Variants in MUC5B observed in about 807,000 individuals in gnomAD.
MUC5B encodes mucin-5B.
A neutral mutation model predicts 376.9 loss-of-function variants in MUC5B; 116 were observed. That is an observed-to-expected ratio of 0.31 (90% confidence interval 0.26 to 0.36). The LOEUF is 0.36. MUC5B is among the 10% of genes least tolerant of loss of function. The pLI, the probability that MUC5B is intolerant of heterozygous loss-of-function variation, is 1.00. For synonymous variants in MUC5B, 3,517 were observed against 3,390.9 expected (o/e 1.04, Z -1.29); for missense variants, 7,165 against 7,769.9 (o/e 0.92, Z 2.93).
intron 15 of MUC5B, 93 bp from the exon 16 acceptor site, chr11:1,232,357 A>G: frequency 7.0e-7 from 1 of 1,437,884 alleles, no homozygotes; most frequent in Non-Finnish European, 9.5e-7. Flanking sequence ...ATTCCAACTC[A>G]CTGTTCCCCG....
chr11:1,223,490 C>T (rs1477717384), intron 1 of MUC5B: 3 of 486,544 alleles, frequency 6.2e-6, no homozygotes, highest in African/African-American at 6.0e-5. Context: ...GGGGGTGGGA[C>T]AGGAGTGGGC....
rs917286911 is a variant in MUC5B, at chr11:1,240,436, G to C, written c.3970+61G>C. On this transcript the variant is annotated intron_variant, in intron 30 of 48. Transcript: ENST00000529681. ...GTCTGGGTGACAAGGAGGACCCCCT[G>C]GGCTCTTAGTGCAGGTGCCCTGTAT... 2.1e-6 allele frequency: 3 copies of C among 1,461,666 alleles called. No individual in the cohort carries two copies. The African/African-American group carries it at 4.2e-5, about 21-fold the overall frequency. The allele number at this position is 1,461,666 out of a possible 1,614,324, so 90.5% of individuals were successfully genotyped here. A position where few individuals can be genotyped will look rare whatever the true frequency, so the allele number is the denominator to read the frequency against.
intron 48 of MUC5B, among the ~76,000 whole-genome samples, chr11:1,261,075 G>A (rs1366861950): frequency 6.6e-6 from 1 of 152,250 alleles, no homozygotes; most frequent in Non-Finnish European, 1.5e-5. Context: ...GGAGGGGCCA[G>A]AAGGGTTGAC....
At chr11:1,259,435 G>T (rs1168551303) in intron 44 of MUC5B, 2 of 509,188 alleles carry the variant, frequency 3.9e-6, no homozygotes, top group Non-Finnish European at 7.1e-6. Context: ...CATTGCTGGG[G>T]TCTTGTTTGT....
At chr11:1,233,400 G>T in intron 18 of MUC5B, 132 bp downstream of exon 18, 1 of 1,074,010 alleles carries the variant, frequency 9.3e-7, no homozygotes, top group Non-Finnish European at 1.3e-6. Context: ...GTGGGGCAGG[G>T]TGGACCCAGC....
At position 1,236,416 on chromosome 11, in the gene MUC5B, T is replaced by A. The variant is rs919936331; in HGVS notation, c.2911T>A (p.Phe971Ile). ...SYELILQEGT[F>I]KAVARGPGGD... is the part of the protein sequence containing the mutation. ...CGAGCTGATCCTCCAAGAGGGGACC[T>A]TTAAGGCGGTGGCGAGAGGGCCGGG... is the stretch of plus-strand genomic sequence containing the variant. Residue 971 changes from phenylalanine to isoleucine, a missense_variant, in exon 24 of 49, where the codon TTT becomes ATT. Around this residue, in one of 31 missense-constraint regions of MUC5B, gnomAD observed 530 missense variants for 604.0 expected, o/e 0.88. Coordinates refer to ENST00000529681, the MANE Select transcript of MUC5B (RefSeq NM_002458.3). The A allele has an allele frequency of 6.2e-7, 1 of 1,612,154 alleles. No homozygotes were observed.
Position 1,241,966 on chromosome 11 carries a change from C to T in MUC5B, c.5086C>T (p.Arg1696Cys), listed in dbSNP as rs777860574. ...GGTGGCCACATCCACCCTTCCAACA[C>T]GCTCAGCCCTTCCAGGGACGACGGG... Reference protein sequence around the residue: ...PGVATSTLPTRSALPGTTGSL... With the variant: ...PGVATSTLPTCSALPGTTGSL... The change falls in exon 31 of 49, where the codon CGC (arginine) becomes TGC (cysteine). Residue 1696 changes from arginine to cysteine, a missense_variant. Coordinates refer to ENST00000529681, the MANE Select transcript of MUC5B (RefSeq NM_002458.3). 104 of 1,602,308 alleles carry T rather than the reference C, an allele frequency of 6.5e-5. No homozygotes were observed. The highest frequency in any genetic ancestry group is 1.4e-4 in the East Asian group (6 of 44,094).
intron 32 of MUC5B, 101 bp downstream of exon 32, chr11:1,252,625 C>A: frequency 7.2e-7 from 1 of 1,388,298 alleles, no homozygotes; most frequent in Non-Finnish European, 9.5e-7. Flanking sequence ...TCTCAGTGAC[C>A]CCGCCGCCAG....
chr11:1,247,255 C>T lies in MUC5B; in HGVS notation c.10375C>T (p.Leu3459=). The change falls in exon 31 of 49, where the codon CTG becomes TTG. Residue 3459 remains leucine (L), a synonymous_variant. Transcript: ENST00000529681. ...NTTATTHGRS[L]PPSSPHTVRT... ...CACGGCCACCACACACGGGCGGTCC[C>T]TGCCCCCCAGCAGTCCCCACACGGT... 1.2e-6 allele frequency: 2 copies of T among 1,612,288 alleles called. No individual in the cohort carries two copies. The highest frequency in any genetic ancestry group is 8.5e-7 in the Non-Finnish European group (1 of 1,179,598).
Position 1,254,898 on chromosome 11 carries a change from C to T in MUC5B, c.15664+18C>T, listed in dbSNP as rs758499215. 2 of 1,605,582 alleles carry T rather than the reference C, an allele frequency of 1.2e-6. No individual in the cohort carries two copies. The highest frequency in any genetic ancestry group is 2.2e-5 in the South Asian group (2 of 90,746). On this transcript the variant is annotated intron_variant, in intron 35 of 48. Transcript: ENST00000529681. ...CCAGTGCGGTGAGTGGGCGGCGGGT[C>T]CTGCCCCGGCCAGGGCTGCTGCTGG...
rs1190509989 is a variant in MUC5B, at chr11:1,234,473, T to C, written c.2479-56T>C. ...GGGTGCGCCTGTCCCAGAGGGTGAG[T>C]GACATCTGCCCACCCTGGTGTCCAG... On this transcript the variant is annotated intron_variant, in intron 20 of 48. Coordinates refer to ENST00000529681, the MANE Select transcript of MUC5B (RefSeq NM_002458.3). This position sits in a 1 kb window ranked among gnomAD's most constrained non-coding sequence, Gnocchi z 6.3. The C allele has an allele frequency of 1.3e-6, 2 of 1,544,734 alleles. No individual in the cohort carries two copies. Among genetic ancestry groups the C allele is most frequent in the African/African-American group, 1.4e-5 (1 of 72,952 alleles).
intron 9 of MUC5B, 65 bp from the exon 10 acceptor site, chr11:1,229,625 C>G (rs571006245): frequency 1.5e-6 from 2 of 1,370,898 alleles, no homozygotes; most frequent in Admixed American, 2.0e-5. Flanking sequence ...TCCCCAAGGC[C>G]GGTGTCTTCT....
Position 1,248,925 on chromosome 11 carries a change from C to T in MUC5B, c.12045C>T (p.Ser4015=), listed in dbSNP as rs1197177689. 6.3e-7 allele frequency: 1 copy of T among 1,586,932 alleles called. No individual in the cohort carries two copies. The highest frequency in any genetic ancestry group is 8.6e-7 in the Non-Finnish European group (1 of 1,166,112). The change falls in exon 31 of 49, where the codon TCC becomes TCT. Residue 4015 remains serine, a synonymous_variant. Transcript: ENST00000529681. The part of the protein sequence containing the change: ...PNTTATTHGR[S]LSPSSPHTVR... ...CCACGGCCACCACACACGGGCGATC[C>T]CTGTCCCCCAGCAGTCCCCACACGG... is the stretch of plus-strand genomic sequence containing the variant.
At chr11:1,240,466 G>T (rs1157018168) in intron 30 of MUC5B, 91 bp downstream of exon 30, 2 of 1,219,598 alleles carry the variant, frequency 1.6e-6, no homozygotes, top group African/African-American at 1.5e-5. Context: ...CTGTATGGTA[G>T]CGACAGTCCC....
At chr11:1,261,272 TG>T in intron 48 of MUC5B, 116 bp from the exon 49 acceptor site, 1 of 878,348 alleles carries the variant, frequency 1.1e-6, no homozygotes, top group Non-Finnish European at 1.8e-6. Flanking sequence ...CAGGCCACTG[TG>T]GACAGAAGGG....
chr11:1,259,497 G>T, intron 44 of MUC5B: 1 of 573,242 alleles, frequency 1.7e-6, no homozygotes, highest in Non-Finnish European at 3.1e-6. Context: ...TCTGGGGGTG[G>T]GACAGGACCT....
In MUC5B at chr11:1,251,309, C is replaced by T. The variant is rs200945665; in HGVS notation, c.14429C>T (p.Ser4810Phe). 1 of 1,611,320 alleles carries T rather than the reference C, an allele frequency of 6.2e-7. No individual in the cohort carries two copies. Among genetic ancestry groups the T allele is most frequent in the Middle Eastern group, 1.6e-4 (1 of 6,062 alleles). Residue 4810 changes from serine to phenylalanine, a missense_variant, in exon 31 of 49, where the codon TCC (serine) becomes TTC (phenylalanine). By Grantham distance (155) the Ser-to-Phe change is radical (BLOSUM62 -2). Around this residue, in one of 31 missense-constraint regions of MUC5B, gnomAD observed 730 missense variants for 592.7 expected, o/e 1.23. Coordinates refer to ENST00000529681, the MANE Select transcript of MUC5B (RefSeq NM_002458.3). ...GCCACCAATTCCACGGCCACACCCT[C>T]CTCCACTCTGGGGACGACCCGGATC... ...TRATNSTATPSSTLGTTRILT... is the reference protein window; with the variant it reads ...TRATNSTATPFSTLGTTRILT...
At chr11:1,227,612 G>GAGCCCATATCTTGTCCCCAGGA (rs1193671836) in intron 6 of MUC5B, 63 bp from the exon 7 acceptor site, 2 of 695,452 alleles carry the variant, frequency 2.9e-6, no homozygotes, top group African/African-American at 3.5e-5. Context: ...CAGGAAGTGG[G>GAGCCCATATCTTGTCCCCAGGA]AGCCCATATC....
At chr11:1,230,265 C>A in intron 11 of MUC5B, 122 bp downstream of exon 11, 2 of 1,370,330 alleles carry the variant, frequency 1.5e-6, no homozygotes, top group Non-Finnish European at 2.0e-6. Flanking sequence ...GAGGGGGGAG[C>A]CCTGGGTCCC....
Sources: gnomAD v4.1 joint callset for allele counts (sites outside exome capture counted in the v4.1 genomes callset) on GRCh38, gnomAD v4.1.1 for gene constraint, gnomAD v4.1.1 regional missense constraint, Gnocchi (gnomAD v3.1) non-coding constraint, MANE v1.5 for transcripts, NCBI Gene and HGNC (gene_info 2026-07-23, HGNC 2026-07-21) for gene names.